SLC14A2: variants seen among roughly 807,000 people sequenced by gnomAD.
SLC14A2 encodes the protein urea transporter 2.
Under a neutral mutation model 104.6 loss-of-function variants are expected in SLC14A2, and 91 were observed. The observed-to-expected ratio is 0.87, with a 90% CI of 0.73 to 1.04. The LOEUF (loss-of-function observed/expected upper bound fraction) is 1.04. Among genes scored for constraint, SLC14A2 ranks in the 50% least tolerant of loss-of-function variants. SLC14A2 has a pLI of 0.00. For missense variants in SLC14A2, 1,189 were observed against 1,156.0 expected (o/e 1.03, Z -0.41); for synonymous variants, 476 against 466.4 (o/e 1.02, Z -0.27).
chr18:45,428,996 A>T (rs2086474624), intron 1 of SLC14A2, among the ~76,000 whole-genome samples: 1 of 152,192 alleles, frequency 6.6e-6, no homozygotes, highest in Non-Finnish European at 1.5e-5. Context: ...AAGATGGAGT[A>T]CTAGATGGTT....
intron 1 of SLC14A2, among the ~76,000 whole-genome samples, chr18:45,615,925 C>A (rs977041034): frequency 1.1e-4 from 17 of 152,026 alleles, no homozygotes; most frequent in Non-Finnish European, 1.9e-4. Context: ...GGTCACCATG[C>A]TCCTAAGAGG....
At chr18:45,627,801 G>A (rs1377449837) in intron 4 of SLC14A2, among the ~76,000 whole-genome samples, 2 of 152,130 alleles carry the variant, frequency 1.3e-5, no homozygotes, top group African/African-American at 4.8e-5. Context: ...CTTGAGGCCA[G>A]GAGTTTGAAG....
At chr18:45,673,156 T>C in intron 17 of SLC14A2, 109 bp downstream of exon 17, 4 of 1,074,046 alleles carry the variant, frequency 3.7e-6, no homozygotes, top group Non-Finnish European at 5.5e-6. Context: ...TCCTGTGAAC[T>C]TTCCCTCCTT....
At chr18:45,219,365 T>C (rs11873312) in intron 1 of SLC14A2, among the ~76,000 whole-genome samples, 16,242 of 152,242 alleles carry the variant, frequency 0.11, 911 homozygotes, top group African/African-American at 0.14. Flanking sequence ...TAAAATTTCT[T>C]CTACAGTCTT....
At chr18:45,556,193 T>C (rs942343182) in intron 2 of SLC14A2, among the ~76,000 whole-genome samples, 5 of 152,182 alleles carry the variant, frequency 3.3e-5, no homozygotes, top group Admixed American at 1.3e-4. Flanking sequence ...TCATGAGTGC[T>C]TTCCTTCGTT....
intron 2 of SLC14A2, among the ~76,000 whole-genome samples, chr18:45,590,883 A>C (rs1353840935): frequency 6.6e-6 from 1 of 152,216 alleles, no homozygotes; most frequent in African/African-American, 2.4e-5. Context: ...CAACGTAATG[A>C]TATTATCCCC....
At chr18:45,290,851 G>A (rs966754589) in intron 1 of SLC14A2, among the ~76,000 whole-genome samples, 2 of 152,128 alleles carry the variant, frequency 1.3e-5, no homozygotes, top group African/African-American at 4.8e-5. Context: ...ATGGAAAATA[G>A]AACACAGTGC....
chr18:45,318,408 G>T (rs1450669817), intron 1 of SLC14A2, among the ~76,000 whole-genome samples: 1 of 152,212 alleles, frequency 6.6e-6, no homozygotes, highest in African/African-American at 2.4e-5. Context: ...AGGGCCACAG[G>T]CTCAGGGCAG....
the SLC14A2 span, among the ~76,000 whole-genome samples, chr18:45,189,840 G>A: frequency 6.6e-6 from 1 of 152,160 alleles, no homozygotes; most frequent in African/African-American, 2.4e-5. Context: ...GAAATAAAGA[G>A]CCAGGAGTAT....
At chr18:45,425,019 A>G (rs1371045417) in intron 1 of SLC14A2, among the ~76,000 whole-genome samples, 2 of 152,218 alleles carry the variant, frequency 1.3e-5, no homozygotes, top group Non-Finnish European at 2.9e-5. Flanking sequence ...TAGAGCACCC[A>G]TGTTTCACCA....
intron 1 of SLC14A2, among the ~76,000 whole-genome samples, chr18:45,244,029 G>C (rs7235910): frequency 0.3 from 44,880 of 151,884 alleles, 7,719 homozygotes; most frequent in African/African-American, 0.48. Context: ...CCTGGCCAGC[G>C]TACTCATTCA....
At chr18:45,423,101 T>G (rs2086371653) in intron 1 of SLC14A2, among the ~76,000 whole-genome samples, 1 of 152,202 alleles carries the variant, frequency 6.6e-6, no homozygotes, top group South Asian at 2.1e-4. Context: ...TTGATGGTAT[T>G]TCCATTTATT....
At chr18:45,643,407 A>G (rs1330183356) in intron 9 of SLC14A2, among the ~76,000 whole-genome samples, 1 of 152,172 alleles carries the variant, frequency 6.6e-6, no homozygotes, top group Non-Finnish European at 1.5e-5. Context: ...AAAGATTGCA[A>G]TGTAACTAGC....
chr18:45,675,650 G>A (rs2046212590), intron 18 of SLC14A2, among the ~76,000 whole-genome samples: 1 of 147,782 alleles, frequency 6.8e-6, no homozygotes, highest in Non-Finnish European at 1.5e-5. Context: ...GAGTAGGTGG[G>A]GCTGTAGGCA....
At chr18:45,210,695 T>C (rs1461534552), upstream of SLC14A2, among the ~76,000 whole-genome samples, 1 of 152,230 alleles carries the variant, frequency 6.6e-6, no homozygotes, top group African/African-American at 2.4e-5. Context: ...TGGCCTCAGC[T>C]TGCCCTTGGT....
intron 19 of SLC14A2, among the ~76,000 whole-genome samples, chr18:45,680,579 G>T (rs2046297709): frequency 6.6e-6 from 1 of 152,166 alleles, no homozygotes; most frequent in Admixed American, 6.5e-5. Context: ...GTACTCTTTT[G>T]TTTTCTAAGT....
chr18:45,483,110 T>C (rs1330559807), intron 1 of SLC14A2: 1 of 152,046 alleles, frequency 6.6e-6, no homozygotes, highest in Non-Finnish European at 1.5e-5. Context: ...TATTTTTTTC[T>C]TTTTTTTCTG....
chr18:45,285,961 T>C (rs1200708795), intron 1 of SLC14A2, among the ~76,000 whole-genome samples: 1 of 152,170 alleles, frequency 6.6e-6, no homozygotes, highest in Non-Finnish European at 1.5e-5. Flanking sequence ...ACCTAATTGG[T>C]CTGGTTTGGA....
At chr18:45,672,529 CAAA>C (rs34358333) in intron 16 of SLC14A2, among the ~76,000 whole-genome samples, 1 of 128,654 alleles carries the variant, frequency 7.8e-6, no homozygotes. Context: ...AACTCCATCT[CAAA>C]AAAAAAAAAA....
Sources: gnomAD v4.1 joint callset for allele counts (sites outside exome capture counted in the v4.1 genomes callset) on GRCh38, gnomAD v4.1.1 for gene constraint, MANE v1.5 for transcripts, NCBI Gene and HGNC (gene_info 2026-07-23, HGNC 2026-07-21) for gene names.